ZNF536: variants seen among roughly 807,000 people sequenced by gnomAD.
ZNF536 encodes zinc finger protein 536.
Under a neutral mutation model 84.5 loss-of-function variants are expected in ZNF536, and 13 were observed. The observed-to-expected ratio is 0.15, with a 90% CI of 0.10 to 0.24. ZNF536 has a LOEUF of 0.24. Among genes scored for constraint, ZNF536 ranks in the 10% least tolerant of loss-of-function variants. The pLI is 1.00. For synonymous variants in ZNF536, 811 were observed against 742.5 expected, an observed-to-expected ratio of 1.09 and a Z score of -1.50; for missense variants, 1,536 against 1,747.5, an observed-to-expected ratio of 0.88 and a Z score of 2.16.
intron 1 of ZNF536, among the ~76,000 whole-genome samples, chr19:30,403,700 T>C (rs1236767561): frequency 2.0e-5 from 3 of 152,194 alleles, no homozygotes; most frequent in Non-Finnish European, 4.4e-5. Flanking sequence ...AGCCTCCCTG[T>C]CTGCTGCTGC....
intron 2 of ZNF536, among the ~76,000 whole-genome samples, chr19:30,525,246 C>T (rs1276268052): frequency 6.6e-6 from 1 of 152,166 alleles, no homozygotes; most frequent in African/African-American, 2.4e-5. Context: ...CCCCAGGCCT[C>T]CTCACCCTGC....
chr19:30,591,426 G>T (rs764208846), intron 1 of ZNF536, among the ~76,000 whole-genome samples: 1 of 152,204 alleles, frequency 6.6e-6, no homozygotes, highest in Non-Finnish European at 1.5e-5. Flanking sequence ...GCAAAGGCAT[G>T]TCTTCCATGG....
Position 30,430,410 on chromosome 19 carries a change from T to G in ZNF536, c.-2-13151T>G, listed in dbSNP as rs986012996. 1.8e-4 allele frequency among the ~76,000 whole-genome samples: 27 copies of G among 152,294 alleles called. 1 individual carries two copies. The East Asian group carries it at 5.2e-3, about 29-fold the overall frequency. On this transcript the variant is annotated intron_variant, in intron 1 of 4. Transcript: ENST00000355537. ...CTGGGGGGGACCCTGGTGAAGCCGA[T>G]GGTCACAGTGTGGCCCTCATGGGGT...
upstream of ZNF536, among the ~76,000 whole-genome samples, chr19:30,226,864 A>T (rs1418711036): frequency 6.6e-6 from 1 of 151,906 alleles, no homozygotes; most frequent in Non-Finnish European, 1.5e-5. This position sits in a 1 kb window ranked among gnomAD's most constrained non-coding sequence, Gnocchi z 4.6. Context: ...CCCAGCGCAG[A>T]TGCATGACTG....
chr19:30,696,397 T>C (rs924137768), intron 1 of ZNF536, among the ~76,000 whole-genome samples: 1 of 152,212 alleles, frequency 6.6e-6, no homozygotes, highest in African/African-American at 2.4e-5. Context: ...CTGGGTATCA[T>C]TAGAGTATTA....
At chr19:30,246,548 C>G (rs1038864478) in intron 1 of ZNF536, among the ~76,000 whole-genome samples, 2 of 152,186 alleles carry the variant, frequency 1.3e-5, no homozygotes, top group African/African-American at 4.8e-5. Flanking sequence ...CCATAGTGTG[C>G]CACTGCCTTG....
At chr19:30,237,594 T>G (rs930415024) in intron 1 of ZNF536, among the ~76,000 whole-genome samples, 5 of 152,234 alleles carry the variant, frequency 3.3e-5, no homozygotes, top group African/African-American at 1.2e-4. Context: ...ATCAACGGAC[T>G]CTTAACCTTC....
chr19:30,280,446 G>A (rs2045401164), intron 1 of ZNF536, among the ~76,000 whole-genome samples: 2 of 152,164 alleles, frequency 1.3e-5, no homozygotes, highest in African/African-American at 4.8e-5. Context: ...CAGAGGTGAG[G>A]GGCTGGAAGG....
At chr19:30,613,537 AT>A (rs2045981630) in intron 1 of ZNF536, among the ~76,000 whole-genome samples, 1 of 152,166 alleles carries the variant, frequency 6.6e-6, no homozygotes, top group African/African-American at 2.4e-5. Context: ...GACTGTCAAT[AT>A]TTTGTTGCTC....
chr19:30,443,844 C>T lies in ZNF536; in HGVS notation c.282C>T (p.Thr94=), dbSNP rs147180825. The change falls in exon 2 of 5, where the codon ACC becomes ACT. Residue 94 remains threonine, a synonymous_variant. Coordinates refer to ENST00000355537, the MANE Select transcript of ZNF536 (RefSeq NM_014717.3). ...LANQLGREVD[T]SLNGRVDLQQ... ...ACCAGCTGGGCCGGGAGGTGGACAC[C>T]AGCCTCAACGGGAGGGTGGACTTGC... 6.2e-7 allele frequency: 1 copy of T among 1,613,304 alleles called. No homozygotes were observed. The highest frequency in any genetic ancestry group is 1.3e-5 in the African/African-American group (1 of 74,944).
intron 2 of ZNF536, among the ~76,000 whole-genome samples, chr19:30,452,036 G>A (rs1166372965): frequency 2.0e-5 from 3 of 152,226 alleles, no homozygotes; most frequent in African/African-American, 7.2e-5. Context: ...ACCACCTTGG[G>A]TGTGTTGGGG....
intron 1 of ZNF536, among the ~76,000 whole-genome samples, chr19:30,411,025 T>C (rs2050473892): frequency 6.6e-6 from 1 of 152,226 alleles, no homozygotes; most frequent in Non-Finnish European, 1.5e-5. Flanking sequence ...ATGATATGGA[T>C]GTACCATAAC....
At chr19:30,585,122 A>C (rs2047051339) in intron 1 of ZNF536, among the ~76,000 whole-genome samples, 1 of 152,042 alleles carries the variant, frequency 6.6e-6, no homozygotes, top group Non-Finnish European at 1.5e-5. Context: ...ACTCAAAAAA[A>C]AAAAGAAAAA....
chr19:30,574,331 AAAG>A lies in ZNF536; in HGVS notation c.169+24821_169+24823del, dbSNP rs1599854877. 2.0e-5 allele frequency among the ~76,000 whole-genome samples: 3 copies of A among 152,346 alleles called. No homozygotes were observed. The East Asian group carries it at 5.8e-4, about 29-fold the overall frequency. ...GACTGGGGGAAGAGACCCTTCAAGA[AAAG>A]AAGCCAGGATCCCAGGTGGGTTCCT... On this transcript the variant is annotated intron_variant, in intron 1 of 1. Transcript: ENST00000592773.
intron 2 of ZNF536, among the ~76,000 whole-genome samples, chr19:30,528,132 A>G (rs954974527): frequency 2.6e-5 from 4 of 152,184 alleles, no homozygotes; most frequent in Non-Finnish European, 4.4e-5. Context: ...AAACGTAGTA[A>G]GCGCCAGGGT....
intron 1 of ZNF536, among the ~76,000 whole-genome samples, chr19:30,647,126 T>C (rs898071759): frequency 6.6e-6 from 1 of 152,232 alleles, no homozygotes; most frequent in African/African-American, 2.4e-5. Context: ...TGTTACTTTT[T>C]CAAAATATTC....
chr19:30,285,031 A>G (rs1163570094), intron 2 of ZNF536, among the ~76,000 whole-genome samples: 1 of 152,222 alleles, frequency 6.6e-6, no homozygotes, highest in African/African-American at 2.4e-5. Context: ...CTTTTATCAC[A>G]CAATGGGTAA....
intron 3 of ZNF536, among the ~76,000 whole-genome samples, chr19:30,357,858 G>A (rs927699676): frequency 6.6e-6 from 1 of 152,166 alleles, no homozygotes; most frequent in African/African-American, 2.4e-5. Context: ...GAGTCCAGCT[G>A]TGCTGCCCTG....
chr19:30,543,835 C>T (rs1599749594), intron 3 of ZNF536, among the ~76,000 whole-genome samples: 1 of 152,240 alleles, frequency 6.6e-6, no homozygotes, highest in East Asian at 1.9e-4. Flanking sequence ...TGGGAAACAG[C>T]TGGGATGTTT....
Sources: gnomAD v4.1 joint callset for allele counts (sites outside exome capture counted in the v4.1 genomes callset) on GRCh38, gnomAD v4.1.1 for gene constraint, Gnocchi (gnomAD v3.1) non-coding constraint, MANE v1.5 for transcripts, NCBI Gene and HGNC (gene_info 2026-07-23, HGNC 2026-07-21) for gene names.